MRPL15: variants seen among roughly 807,000 people sequenced by gnomAD.
MRPL15 encodes large ribosomal subunit protein uL15m.
In MRPL15, 24 loss-of-function variants were observed where a neutral mutation model predicts 28.0. The ratio of observed to expected loss-of-function variants is 0.86; its 90% CI spans 0.62 to 1.21. The LOEUF (loss-of-function observed/expected upper bound fraction) is 1.21, where lower values mean the gene tolerates loss of function less well. MRPL15 is among the 50% of genes most tolerant of loss of function. The pLI is 0.00. For synonymous variants in MRPL15, 124 were observed against 137.0 expected (o/e 0.90, Z 0.66); for missense variants, 343 against 372.4 (o/e 0.92, Z 0.65).
intron 4 of MRPL15, among the ~76,000 whole-genome samples, chr8:54,146,178 G>C (rs1811041805): frequency 6.6e-6 from 1 of 152,222 alleles, no homozygotes; most frequent in Non-Finnish European, 1.5e-5. Context: ...GGGCGCAGTG[G>C]CCTCACGCCT....
At chr8:54,138,253 GC>G (rs1273910931) in intron 3 of MRPL15, among the ~76,000 whole-genome samples, 1 of 139,376 alleles carries the variant, frequency 7.2e-6, no homozygotes, top group Non-Finnish European at 1.5e-5. Flanking sequence ...CGCCCACGGC[GC>G]CCCCTTCTTT....
At position 54,142,821 on chromosome 8, in the gene MRPL15, T is replaced by A. The variant is rs573484158; in HGVS notation, c.553+35T>A. The A allele has an allele frequency of 3.2e-4, 512 of 1,610,192 alleles. 8 individuals are homozygous for A. The South Asian group carries it at 5.3e-3, about 17-fold the overall frequency. ...TTCCACGGTCATTTTCTTCTTTCTCTCTTTGTCTCATGTTGGCTACTAATT... is the reference window on the plus strand; with the variant it reads ...TTCCACGGTCATTTTCTTCTTTCTCACTTTGTCTCATGTTGGCTACTAATT... On this transcript the variant is annotated intron_variant, in intron 4 of 4. Coordinates refer to ENST00000260102, the MANE Select transcript of MRPL15 (RefSeq NM_014175.4).
chr8:54,136,183 C>A (rs1020204452), intron 1 of MRPL15, among the ~76,000 whole-genome samples: 4 of 152,230 alleles, frequency 2.6e-5, no homozygotes, highest in Admixed American at 1.3e-4. Flanking sequence ...AGAATAAATT[C>A]TTGCCTATCA....
intron 4 of MRPL15, among the ~76,000 whole-genome samples, chr8:54,143,483 C>T (rs1213571706): frequency 2.6e-5 from 4 of 152,104 alleles, no homozygotes; most frequent in African/African-American, 7.2e-5. Flanking sequence ...TTCTTTTATG[C>T]CCTCATAAAT....
intron 3 of MRPL15, among the ~76,000 whole-genome samples, chr8:54,139,198 C>T (rs1045329009): frequency 1.3e-5 from 2 of 152,028 alleles, no homozygotes; most frequent in Non-Finnish European, 2.9e-5. Flanking sequence ...AGGGTTTCAC[C>T]GTGTTGGTTA....
intron 3 of MRPL15, among the ~76,000 whole-genome samples, chr8:54,140,460 A>G (rs1439097670): frequency 6.7e-6 from 1 of 149,644 alleles, no homozygotes; most frequent in Non-Finnish European, 1.5e-5. Context: ...ATGGGGTTTT[A>G]CCATGTTGGC....
chr8:54,135,988 C>T (rs936434531), intron 1 of MRPL15, among the ~76,000 whole-genome samples: 1 of 152,178 alleles, frequency 6.6e-6, no homozygotes, highest in Non-Finnish European at 1.5e-5. Context: ...TTGCAGCTGT[C>T]CCTTCTGCAG....
intron 3 of MRPL15, among the ~76,000 whole-genome samples, chr8:54,138,069 C>A (rs1338175741): frequency 6.6e-6 from 1 of 152,056 alleles, no homozygotes; most frequent in Non-Finnish European, 1.5e-5. Flanking sequence ...ATTCTCCTGC[C>A]TCAGCCTCCT....
chr8:54,136,722 A>G (rs1810834173), intron 2 of MRPL15, 57 bp downstream of exon 2: 10 of 1,534,096 alleles, frequency 6.5e-6, no homozygotes, highest in African/African-American at 1.4e-5. Context: ...AAAAGCACCT[A>G]AAAATAGTTT....
intron 3 of MRPL15, 67 bp downstream of exon 3, chr8:54,137,500 G>A: frequency 6.8e-7 from 1 of 1,478,876 alleles, no homozygotes; most frequent in South Asian, 1.3e-5. Flanking sequence ...GTCTTGCCCT[G>A]TTGCCTGAGC....
chr8:54,140,451 TG>T (rs1810899853), intron 3 of MRPL15, among the ~76,000 whole-genome samples: 1 of 151,056 alleles, frequency 6.6e-6, no homozygotes, highest in Non-Finnish European at 1.5e-5. Flanking sequence ...TTAGTAGAGA[TG>T]GGGTTTTACC....
At chr8:54,142,548 ATT>A in intron 3 of MRPL15, 113 bp from the exon 4 acceptor site, 1 of 1,218,790 alleles carries the variant, frequency 8.2e-7, no homozygotes, top group Non-Finnish European at 1.1e-6. Flanking sequence ...GACTAACTGT[ATT>A]GTTATGTTAT....
intron 1 of MRPL15, among the ~76,000 whole-genome samples, chr8:54,135,770 G>A (rs866800780): frequency 1.3e-5 from 2 of 151,950 alleles, no homozygotes; most frequent in Non-Finnish European, 2.9e-5. Flanking sequence ...CGATCCGCCT[G>A]CCTCGGCCTC....
chr8:54,139,060 C>T (rs1171089420), intron 3 of MRPL15, among the ~76,000 whole-genome samples: 1 of 151,890 alleles, frequency 6.6e-6, no homozygotes, highest in Non-Finnish European at 1.5e-5. Context: ...AGTGCAGTGG[C>T]ACGATCTCGG....
intron 4 of MRPL15, among the ~76,000 whole-genome samples, chr8:54,147,127 G>C (rs1448926966): frequency 1.3e-5 from 2 of 152,190 alleles, no homozygotes; most frequent in African/African-American, 4.8e-5. Context: ...AGCTACTTGG[G>C]AGGCTGAGGC....
intron 4 of MRPL15, 78 bp downstream of exon 4, chr8:54,142,864 T>G (rs1810954983): frequency 1.3e-6 from 2 of 1,565,298 alleles, no homozygotes; most frequent in East Asian, 4.5e-5. Context: ...ACTTAGTGAA[T>G]GGCAAATGTT....
intron 4 of MRPL15, among the ~76,000 whole-genome samples, chr8:54,146,827 G>A (rs1361465157): frequency 6.6e-6 from 1 of 152,082 alleles, no homozygotes; most frequent in African/African-American, 2.4e-5. Flanking sequence ...CATGTGTCTC[G>A]GGTCCTTTAA....
At chr8:54,136,776 C>A in intron 2 of MRPL15, 111 bp downstream of exon 2, 1 of 1,312,792 alleles carries the variant, frequency 7.6e-7, no homozygotes, top group Non-Finnish European at 1.0e-6. Flanking sequence ...TTGAAGCAAA[C>A]TTTTGCTACT....
chr8:54,136,228 T>C (rs1313382392), intron 1 of MRPL15, among the ~76,000 whole-genome samples: 1 of 152,228 alleles, frequency 6.6e-6, no homozygotes, highest in African/African-American at 2.4e-5. Flanking sequence ...TCTAGGATTT[T>C]TTTCGGTTTC....
Sources: allele counts gnomAD v4.1 joint callset (sites outside exome capture counted in the v4.1 genomes callset), GRCh38; gene constraint gnomAD v4.1.1; transcripts MANE v1.5; gene names NCBI Gene and HGNC (gene_info 2026-07-23, HGNC 2026-07-21).